The following PHACTR3 variants were observed in gnomAD, a reference collection of about 807,000 sequenced individuals.
PHACTR3 encodes the protein protein phosphatase 1, regulatory subunit 123.
A neutral mutation model predicts 66.8 loss-of-function variants in PHACTR3; 16 were observed. The observed-to-expected ratio is 0.24, with a 90% CI of 0.16 to 0.36. The LOEUF is 0.36. Ranked by LOEUF, PHACTR3 falls within the 10% of genes least tolerant of loss-of-function variation. PHACTR3 has a pLI of 1.00. For synonymous variants in PHACTR3, 323 were observed against 292.1 expected, an observed-to-expected ratio of 1.11 and a Z score of -1.08; for missense variants, 647 against 719.9, an observed-to-expected ratio of 0.90 and a Z score of 1.16.
intron 1 of PHACTR3, among the ~76,000 whole-genome samples, chr20:59,661,808 C>T (rs1437581907): frequency 1.3e-5 from 2 of 152,010 alleles, no homozygotes; most frequent in African/African-American, 2.4e-5. Flanking sequence ...AGATGGAAAC[C>T]TGATCTGTGT....
chr20:59,734,005 C>T (rs1182466), intron 1 of PHACTR3, among the ~76,000 whole-genome samples: 96,652 of 151,630 alleles, frequency 0.64, 31,446 homozygotes, highest in Admixed American at 0.7. Flanking sequence ...CGAGATTCCA[C>T]GTGGTCTTCT....
intron 1 of PHACTR3, among the ~76,000 whole-genome samples, chr20:59,711,478 G>A (rs1455586718): frequency 6.6e-6 from 1 of 152,124 alleles, no homozygotes; most frequent in Non-Finnish European, 1.5e-5. Context: ...GGCAAAAATG[G>A]AAACTCATTA....
At chr20:59,663,596 T>A (rs1214806240) in intron 1 of PHACTR3, among the ~76,000 whole-genome samples, 1 of 152,170 alleles carries the variant, frequency 6.6e-6, no homozygotes, top group East Asian at 1.9e-4. Context: ...CTCAGGTTAG[T>A]AAGGGTGTGT....
At chr20:59,730,331 C>A (rs149232570) in intron 1 of PHACTR3, among the ~76,000 whole-genome samples, 2 of 152,302 alleles carry the variant, frequency 1.3e-5, no homozygotes, top group African/African-American at 4.8e-5. Context: ...GGGAATGGCA[C>A]AGAAGGCAGC....
intron 1 of PHACTR3, among the ~76,000 whole-genome samples, chr20:59,701,061 T>C (rs2037490958): frequency 6.6e-6 from 1 of 152,200 alleles, no homozygotes; most frequent in Non-Finnish European, 1.5e-5. Context: ...CAAAATGCTG[T>C]AATTACATGT....
chr20:59,697,771 G>T (rs79657905), intron 1 of PHACTR3, among the ~76,000 whole-genome samples: 2 of 152,096 alleles, frequency 1.3e-5, no homozygotes, highest in Non-Finnish European at 2.9e-5. Context: ...CCCAGTCTTG[G>T]GTAGTTCTTT....
At chr20:59,587,892 C>T (rs1351266320) in intron 1 of PHACTR3, among the ~76,000 whole-genome samples, 4 of 152,204 alleles carry the variant, frequency 2.6e-5, no homozygotes, top group East Asian at 3.9e-4. Flanking sequence ...ATCTCTCCTC[C>T]CTCCCTTCCA....
chr20:59,794,615 A>ATAT (rs776502651), intron 7 of PHACTR3, among the ~76,000 whole-genome samples: 6 of 152,160 alleles, frequency 3.9e-5, no homozygotes, highest in Non-Finnish European at 8.8e-5. Context: ...GGAAGAACTG[A>ATAT]TATTAGTTCC....
chr20:59,798,159 A>G (rs773037910), intron 7 of PHACTR3, among the ~76,000 whole-genome samples: 27 of 152,346 alleles, frequency 1.8e-4, no homozygotes, highest in Non-Finnish European at 3.2e-4. Context: ...AGGTGGCACC[A>G]TCTAGGTGTC....
At chr20:59,837,048 T>C (rs957512177) in intron 9 of PHACTR3, among the ~76,000 whole-genome samples, 2 of 152,228 alleles carry the variant, frequency 1.3e-5, no homozygotes, top group Non-Finnish European at 2.9e-5. Context: ...CTCCCAGCCT[T>C]GCAACCCCTT....
intron 1 of PHACTR3, among the ~76,000 whole-genome samples, chr20:59,641,804 GATTA>G (rs2035111146): frequency 6.6e-6 from 1 of 152,234 alleles, no homozygotes; most frequent in Admixed American, 6.5e-5. Flanking sequence ...TTGAGGCAGA[GATTA>G]ATTGTGACCT....
At chr20:59,582,926 C>T (rs1481366556) in intron 1 of PHACTR3, among the ~76,000 whole-genome samples, 1 of 151,696 alleles carries the variant, frequency 6.6e-6, no homozygotes, top group Non-Finnish European at 1.5e-5. Flanking sequence ...TAAAATGTAT[C>T]CAGCTTTTTT....
At chr20:59,599,856 TCAC>T (rs1314419192), upstream of PHACTR3, among the ~76,000 whole-genome samples, 1 of 152,052 alleles carries the variant, frequency 6.6e-6, no homozygotes, top group Non-Finnish European at 1.5e-5. Flanking sequence ...CTGCTACCAC[TCAC>T]CAGGATGATT....
At chr20:59,719,260 G>C (rs565365446) in intron 1 of PHACTR3, among the ~76,000 whole-genome samples, 1 of 152,170 alleles carries the variant, frequency 6.6e-6, no homozygotes, top group African/African-American at 2.4e-5. Context: ...CCACCTCCCG[G>C]GTTCAAGCAA....
chr20:59,802,115 G>T (rs551936940), intron 7 of PHACTR3, among the ~76,000 whole-genome samples: 2 of 152,250 alleles, frequency 1.3e-5, no homozygotes, highest in African/African-American at 4.8e-5. Flanking sequence ...ACTTAGTTTT[G>T]GACGTGCTAA....
chr20:59,783,583 TA>T (rs1360644249), intron 7 of PHACTR3, among the ~76,000 whole-genome samples: 1 of 152,178 alleles, frequency 6.6e-6, no homozygotes, highest in African/African-American at 2.4e-5. Flanking sequence ...TTGTTAACAG[TA>T]GAGGAAAATG....
intron 1 of PHACTR3, among the ~76,000 whole-genome samples, chr20:59,656,534 A>G (rs1360701469): frequency 1.3e-5 from 2 of 151,920 alleles, no homozygotes; most frequent in Non-Finnish European, 2.9e-5. Context: ...GTATCTTTGA[A>G]TCTAAAGTGT....
intron 5 of PHACTR3, among the ~76,000 whole-genome samples, chr20:59,771,070 A>G (rs1261323822): frequency 6.6e-6 from 1 of 152,100 alleles, no homozygotes; most frequent in East Asian, 1.9e-4. Context: ...GCAAAGCTCT[A>G]TGGGGGCCGT....
chr20:59,610,144 A>G (rs1366779202), intron 1 of PHACTR3, among the ~76,000 whole-genome samples: 1 of 152,172 alleles, frequency 6.6e-6, no homozygotes, highest in East Asian at 1.9e-4. Flanking sequence ...CGTCCCAGCT[A>G]CTTGGGGGGC....
Sources: gnomAD v4.1 joint callset for allele counts (sites outside exome capture counted in the v4.1 genomes callset) on GRCh38, gnomAD v4.1.1 for gene constraint, MANE v1.5 for transcripts, NCBI Gene and HGNC (gene_info 2026-07-23, HGNC 2026-07-21) for gene names.